The following LRRC4C variants were observed in gnomAD, a reference collection of about 807,000 sequenced individuals.
LRRC4C encodes leucine rich repeat containing 4C.
Under a neutral mutation model 33.6 loss-of-function variants are expected in LRRC4C, and 5 were observed. That is an observed-to-expected ratio of 0.15 (90% confidence interval 0.08 to 0.31). LRRC4C has a LOEUF of 0.31. Among genes scored for constraint, LRRC4C ranks in the 10% least tolerant of loss-of-function variants. LRRC4C has a pLI of 1.00. For missense variants in LRRC4C, 560 were observed against 796.7 expected, an observed-to-expected ratio of 0.70 and a Z score of 3.58; for synonymous variants, 329 against 302.0, an observed-to-expected ratio of 1.09 and a Z score of -0.93.
chr11:40,696,886 A>G (rs1945591846), intron 2 of LRRC4C, among the ~76,000 whole-genome samples: 1 of 151,276 alleles, frequency 6.6e-6, no homozygotes. Flanking sequence ...GGAGTATTAT[A>G]TGTATATGAA....
At chr11:40,901,345 A>T (rs1465391766) in intron 2 of LRRC4C, among the ~76,000 whole-genome samples, 3 of 152,090 alleles carry the variant, frequency 2.0e-5, no homozygotes, top group African/African-American at 4.8e-5. Flanking sequence ...CTAACAGTGA[A>T]ATACCAGGGC....
chr11:40,722,421 G>T (rs7482248), intron 2 of LRRC4C, among the ~76,000 whole-genome samples: 1 of 152,048 alleles, frequency 6.6e-6, no homozygotes, highest in Non-Finnish European at 1.5e-5. Context: ...CACCAACAAA[G>T]AAAACTACAC....
At chr11:40,207,412 A>C (rs1863240891) in intron 5 of LRRC4C, among the ~76,000 whole-genome samples, 1 of 152,110 alleles carries the variant, frequency 6.6e-6, no homozygotes, top group African/African-American at 2.4e-5. Flanking sequence ...AGCCCAGGGA[A>C]GCAATATAGC....
chr11:41,247,483 C>T (rs1237350405), intron 1 of LRRC4C, among the ~76,000 whole-genome samples: 3 of 152,132 alleles, frequency 2.0e-5, no homozygotes, highest in Admixed American at 2.0e-4. Flanking sequence ...CGTTAAAATT[C>T]CAATAAGCAA....
At chr11:40,605,065 TA>T (rs950848738) in intron 3 of LRRC4C, among the ~76,000 whole-genome samples, 1 of 151,896 alleles carries the variant, frequency 6.6e-6, no homozygotes, top group African/African-American at 2.4e-5. Context: ...AAGTAAAAAA[TA>T]AAGGGAGAAA....
At chr11:40,676,794 C>A (rs959986825) in intron 2 of LRRC4C, among the ~76,000 whole-genome samples, 3 of 152,144 alleles carry the variant, frequency 2.0e-5, no homozygotes, top group Non-Finnish European at 2.9e-5. Flanking sequence ...AAATAATTAA[C>A]AAACTTCAGA....
intron 1 of LRRC4C, among the ~76,000 whole-genome samples, chr11:41,410,136 C>A (rs767131937): frequency 6.6e-6 from 1 of 152,228 alleles, no homozygotes; most frequent in South Asian, 2.1e-4. Flanking sequence ...TATTCTGCAC[C>A]GGCTTGGACC....
chr11:40,944,238 T>C (rs1488085226), intron 1 of LRRC4C, among the ~76,000 whole-genome samples: 2 of 152,288 alleles, frequency 1.3e-5, no homozygotes, highest in East Asian at 3.9e-4. Flanking sequence ...AAACCCAAGC[T>C]AAAAACATTC....
At chr11:41,276,618 C>T (rs1008661372) in intron 1 of LRRC4C, among the ~76,000 whole-genome samples, 1 of 152,076 alleles carries the variant, frequency 6.6e-6, no homozygotes, top group African/African-American at 2.4e-5. Flanking sequence ...CCCTTTCTTC[C>T]AAAATATATC....
At chr11:40,370,808 C>CA (rs1249661411) in intron 3 of LRRC4C, among the ~76,000 whole-genome samples, 2 of 151,898 alleles carry the variant, frequency 1.3e-5, no homozygotes, top group South Asian at 2.1e-4. Flanking sequence ...AAATTGTTTC[C>CA]AAAATAAAAT....
chr11:40,975,191 A>C (rs1189135917), intron 1 of LRRC4C, among the ~76,000 whole-genome samples: 2 of 152,212 alleles, frequency 1.3e-5, no homozygotes, highest in Non-Finnish European at 2.9e-5. Context: ...CATTATTTTC[A>C]TTAAACAAGC....
intron 3 of LRRC4C, among the ~76,000 whole-genome samples, chr11:40,400,421 G>A (rs1397013884): frequency 6.6e-6 from 1 of 152,086 alleles, no homozygotes; most frequent in Non-Finnish European, 1.5e-5. Flanking sequence ...AAGTGTGTGT[G>A]TATATATGTC....
chr11:40,864,462 C>A (rs560634557), intron 2 of LRRC4C, among the ~76,000 whole-genome samples: 1 of 152,308 alleles, frequency 6.6e-6, no homozygotes, highest in Non-Finnish European at 1.5e-5. Context: ...AACTCTGTGA[C>A]TACAATGGCA....
intron 1 of LRRC4C, among the ~76,000 whole-genome samples, chr11:41,023,564 G>A (rs1856128491): frequency 6.6e-6 from 1 of 151,786 alleles, no homozygotes. Flanking sequence ...CAGCAGAGCA[G>A]CTCCAGAATT....
At chr11:40,308,349 T>A (rs1459487674) in intron 4 of LRRC4C, among the ~76,000 whole-genome samples, 4 of 152,198 alleles carry the variant, frequency 2.6e-5, no homozygotes, top group Admixed American at 2.6e-4. Context: ...GGATTAAAGA[T>A]CCAACATTAA....
rs5791426 is a variant in LRRC4C, at chr11:41,220,486, C to CTTT, written c.-496+238942_-496+238944dup. On this transcript the variant is annotated intron_variant, in intron 1 of 6. Transcript: ENST00000528697. ...ATAGTGGATAATCTCTAGAAAACAGCTTTTTTTTTTTCAAATAATTATCCT... is the reference window on the plus strand; with the variant it reads ...ATAGTGGATAATCTCTAGAAAACAGCTTTTTTTTTTTTTTCAAATAATTATCCT... Among the ~76,000 whole-genome samples the CTTT allele has an allele frequency of 1.9e-4, 28 of 144,388 alleles. 1 individual carries two copies. The highest frequency in any genetic ancestry group is 6.9e-4 in the African/African-American group (27 of 39,256). 94.7% of individuals were successfully genotyped at this position (144,388 alleles called of 152,430 possible).
intron 1 of LRRC4C, among the ~76,000 whole-genome samples, chr11:40,955,375 T>C: frequency 6.6e-6 from 1 of 151,842 alleles, no homozygotes; most frequent in African/African-American, 2.4e-5. Flanking sequence ...AATTTTCTTC[T>C]TTAGAATTGT....
At chr11:40,540,382 A>AT (rs1956657353) in intron 3 of LRRC4C, among the ~76,000 whole-genome samples, 1 of 152,220 alleles carries the variant, frequency 6.6e-6, no homozygotes, top group African/African-American at 2.4e-5. Context: ...CCCCTACGTA[A>AT]CCTGCCAACC....
chr11:41,412,154 TG>T lies in LRRC4C; in HGVS notation c.-496+47276del, dbSNP rs568722437. ...GAGGTGCTCCTTACAATTTTCACTT[TG>T]TAAACATTTATTTCTTGATTTAACC... On this transcript the variant is annotated intron_variant, in intron 1 of 6. Transcript: ENST00000528697. 1.2e-3 allele frequency among the ~76,000 whole-genome samples: 181 copies of T among 152,320 alleles called. 1 individual carries two copies. Among genetic ancestry groups the T allele is most frequent in the Middle Eastern group, 6.8e-3 (2 of 294 alleles).
Sources: allele counts gnomAD v4.1 joint callset (sites outside exome capture counted in the v4.1 genomes callset), GRCh38; gene constraint gnomAD v4.1.1; transcripts MANE v1.5; gene names NCBI Gene and HGNC (gene_info 2026-07-23, HGNC 2026-07-21).